Variants in KAZN observed in about 807,000 individuals in gnomAD.
KAZN encodes the protein kazrin.
A neutral mutation model predicts 87.4 loss-of-function variants in KAZN; 40 were observed. The observed-to-expected ratio is 0.46, with a 90% CI of 0.36 to 0.60. KAZN has a LOEUF of 0.60. KAZN is among the 20% of genes least tolerant of loss of function. KAZN has a pLI of 0.00. For synonymous variants in KAZN, 466 were observed against 458.3 expected, an observed-to-expected ratio of 1.02 and a Z score of -0.22; for missense variants, 898 against 1,073.9, an observed-to-expected ratio of 0.84 and a Z score of 2.29.
chr1:14,864,280 G>T (rs1651197517), intron 1 of KAZN, among the ~76,000 whole-genome samples: 1 of 152,180 alleles, frequency 6.6e-6, no homozygotes, highest in African/African-American at 2.4e-5. Flanking sequence ...TGGTTCACAT[G>T]GGGGCCGGGC....
chr1:14,772,703 C>G (rs760842514), intron 1 of KAZN, among the ~76,000 whole-genome samples: 5 of 152,094 alleles, frequency 3.3e-5, no homozygotes, highest in Non-Finnish European at 7.4e-5. Context: ...CCTGAAAAGC[C>G]TTTGCTGCAT....
intron 1 of KAZN, among the ~76,000 whole-genome samples, chr1:14,833,781 A>G (rs375591767): frequency 2.3e-4 from 35 of 152,080 alleles, no homozygotes; most frequent in Admixed American, 9.2e-4. Context: ...TAGACCCTGG[A>G]GCCAGGTGTT....
intron 2 of KAZN, among the ~76,000 whole-genome samples, chr1:14,235,561 A>G (rs1648336829): frequency 6.6e-6 from 1 of 152,190 alleles, no homozygotes; most frequent in Non-Finnish European, 1.5e-5. Flanking sequence ...CTCTGAATAC[A>G]CTAAAAACGT....
At chr1:14,535,559 G>A (rs1035389001) in intron 2 of KAZN, among the ~76,000 whole-genome samples, 2 of 152,052 alleles carry the variant, frequency 1.3e-5, no homozygotes, top group Non-Finnish European at 1.5e-5. Flanking sequence ...CCAGCTCCTC[G>A]GGAGGCTGAG....
intron 1 of KAZN, among the ~76,000 whole-genome samples, chr1:14,791,237 C>A (rs1161651597): frequency 1.3e-5 from 2 of 152,196 alleles, no homozygotes; most frequent in Non-Finnish European, 2.9e-5. Flanking sequence ...GATTTCATCA[C>A]CCGGGAGGCA....
chr1:13,937,561 G>A (rs1395747786), intron 1 of KAZN, among the ~76,000 whole-genome samples: 1 of 152,068 alleles, frequency 6.6e-6, no homozygotes, highest in East Asian at 1.9e-4. Context: ...TGTTTTCGTT[G>A]CATTTGCTTT....
intron 2 of KAZN, among the ~76,000 whole-genome samples, chr1:14,430,212 C>CA (rs1557716107): frequency 6.5e-5 from 8 of 124,008 alleles, no homozygotes; most frequent in African/African-American, 9.3e-5. Context: ...TGCCCTGCAA[C>CA]CAAAAAAAAA....
At chr1:14,634,883 G>A (rs532105166) in intron 1 of KAZN, among the ~76,000 whole-genome samples, 106 of 152,248 alleles carry the variant, frequency 7.0e-4, no homozygotes, top group African/African-American at 2.3e-3. Flanking sequence ...TTATATGCAC[G>A]TAAAACATGT....
At chr1:14,595,381 A>G (rs72647625), upstream of KAZN, among the ~76,000 whole-genome samples, 1,231 of 152,206 alleles carry the variant, frequency 8.1e-3, 7 homozygotes, top group Non-Finnish European at 0.013. Context: ...GCCTGGGGAT[A>G]AGAAACGTAG....
At chr1:15,098,969 A>G (rs1640923422) in intron 10 of KAZN, among the ~76,000 whole-genome samples, 1 of 152,212 alleles carries the variant, frequency 6.6e-6, no homozygotes, top group Non-Finnish European at 1.5e-5. Flanking sequence ...ATGCGTAACC[A>G]TGAACCACAA....
chr1:14,091,629 T>C (rs1643996901), intron 1 of KAZN, among the ~76,000 whole-genome samples: 1 of 152,248 alleles, frequency 6.6e-6, no homozygotes, highest in Non-Finnish European at 1.5e-5. Context: ...GTCAACATTT[T>C]GATAATGCCA....
intron 1 of KAZN, among the ~76,000 whole-genome samples, chr1:14,693,437 A>G (rs1057094353): frequency 6.6e-6 from 1 of 152,200 alleles, no homozygotes; most frequent in Non-Finnish European, 1.5e-5. Flanking sequence ...GGAGGATCCT[A>G]AGCTGAGAGA....
intron 1 of KAZN, among the ~76,000 whole-genome samples, chr1:14,178,460 C>T (rs1646130981): frequency 6.6e-6 from 1 of 152,184 alleles, no homozygotes; most frequent in African/African-American, 2.4e-5. Flanking sequence ...ATTGTCTAAT[C>T]TGCTATTAAT....
At chr1:14,741,296 A>G (rs1306180654) in intron 1 of KAZN, among the ~76,000 whole-genome samples, 1 of 152,224 alleles carries the variant, frequency 6.6e-6, no homozygotes, top group Non-Finnish European at 1.5e-5. Context: ...CCTGAAGCAC[A>G]CAGTTGCTCA....
chr1:13,992,592 A>T (rs1639335483), intron 1 of KAZN, among the ~76,000 whole-genome samples: 1 of 152,180 alleles, frequency 6.6e-6, no homozygotes, highest in African/African-American at 2.4e-5. Flanking sequence ...CTGAGATTAA[A>T]GGCTTGCAGG....
chr1:14,663,342 A>T (rs1277891698), intron 1 of KAZN, among the ~76,000 whole-genome samples: 36 of 152,138 alleles, frequency 2.4e-4, no homozygotes, highest in Non-Finnish European at 4.4e-5. Flanking sequence ...TGAAGACAGG[A>T]AGGGAACTTG....
intron 1 of KAZN, among the ~76,000 whole-genome samples, chr1:14,733,039 C>T (rs977778638): frequency 6.6e-6 from 1 of 152,054 alleles, no homozygotes; most frequent in African/African-American, 2.4e-5. Context: ...AAATGTAGCT[C>T]CAAACAGCTC....
chr1:14,751,177 A>G (rs34163591), intron 1 of KAZN, among the ~76,000 whole-genome samples: 3,398 of 152,110 alleles, frequency 0.022, 45 homozygotes, highest in Non-Finnish European at 0.034. Flanking sequence ...CCTAAATTCC[A>G]CCACCTAAGG....
chr1:14,148,049 A>G (rs977761358), intron 1 of KAZN, among the ~76,000 whole-genome samples: 1 of 151,830 alleles, frequency 6.6e-6, no homozygotes, highest in African/African-American at 2.4e-5. Flanking sequence ...GTGAGACCCT[A>G]TCTCTACAAA....
Sources: allele counts gnomAD v4.1 joint callset (sites outside exome capture counted in the v4.1 genomes callset), GRCh38; gene constraint gnomAD v4.1.1; transcripts MANE v1.5; gene names NCBI Gene and HGNC (gene_info 2026-07-23, HGNC 2026-07-21).